The following ZNF704 variants were observed in gnomAD, a reference collection of about 807,000 sequenced individuals.
The protein encoded by ZNF704 is glucocorticoid induced gene 1.
ZNF704 carries 10 observed loss-of-function variants against 44.7 expected under a neutral mutation model. The observed-to-expected ratio is 0.22, with a 90% CI of 0.14 to 0.38. The LOEUF (loss-of-function observed/expected upper bound fraction) is 0.38. Ranked by LOEUF, ZNF704 falls within the 10% of genes least tolerant of loss-of-function variation. The pLI is 1.00. For synonymous variants in ZNF704, 211 were observed against 207.6 expected (o/e 1.02, Z -0.14); for missense variants, 390 against 545.5 (o/e 0.71, Z 2.84).
chr8:80,878,351 T>C (rs6994674), upstream of ZNF704, among the ~76,000 whole-genome samples: 51,542 of 151,842 alleles, frequency 0.34, 10,297 homozygotes, highest in Admixed American at 0.49. Context: ...CAGTGTTTTT[T>C]TAAAATTTAA....
intron 1 of ZNF704, among the ~76,000 whole-genome samples, chr8:80,836,426 A>G (rs1156916678): frequency 6.6e-6 from 1 of 152,092 alleles, no homozygotes; most frequent in African/African-American, 2.4e-5. Context: ...TCAATTTAAA[A>G]TTGCAATGTT....
chr8:80,856,569 GGTTT>G (rs550115156), intron 1 of ZNF704, among the ~76,000 whole-genome samples: 4 of 152,086 alleles, frequency 2.6e-5, no homozygotes, highest in South Asian at 2.1e-4. Flanking sequence ...GGTAATTGAG[GGTTT>G]GTTTGTTTTT....
At chr8:80,858,392 T>C (rs771804389) in intron 1 of ZNF704, among the ~76,000 whole-genome samples, 2 of 152,250 alleles carry the variant, frequency 1.3e-5, no homozygotes, top group Non-Finnish European at 2.9e-5. Context: ...TAAACTATTT[T>C]ACTAATCACT....
At chr8:80,654,732 C>T (rs1817983376) in intron 7 of ZNF704, among the ~76,000 whole-genome samples, 1 of 152,204 alleles carries the variant, frequency 6.6e-6, no homozygotes, top group Non-Finnish European at 1.5e-5. Flanking sequence ...AACACTTTTA[C>T]ACTGTTGGTG....
chr8:80,825,423 A>C (rs941115012), intron 1 of ZNF704, among the ~76,000 whole-genome samples: 119 of 152,250 alleles, frequency 7.8e-4, no homozygotes, highest in African/African-American at 2.8e-3. Flanking sequence ...CAGATTCATA[A>C]AGCAAGTCCT....
At position 80,725,542 on chromosome 8, in the gene ZNF704, G is replaced by T. The variant is rs116573946; in HGVS notation, c.222-32435C>A. Among the ~76,000 whole-genome samples the T allele has an allele frequency of 3.6e-3, 549 of 152,198 alleles. 4 individuals are homozygous for T. Among genetic ancestry groups the T allele is most frequent in the African/African-American group, 0.013 (529 of 41,526 alleles). On this transcript the variant is annotated intron_variant, in intron 2 of 8. Coordinates refer to ENST00000327835, the MANE Select transcript of ZNF704 (RefSeq NM_001033723.3). ...ATGCATTTGGAGTCTCAGATACATA[G>T]GGGATGGGGAAAAGAGGAAGTTATG... is the stretch of plus-strand genomic sequence containing the variant.
chr8:80,760,563 G>C (rs185688743), intron 2 of ZNF704, among the ~76,000 whole-genome samples: 219 of 151,160 alleles, frequency 1.4e-3, no homozygotes, highest in African/African-American at 5.0e-3. Flanking sequence ...GGCTGAGGCA[G>C]GAGAATTGCT....
chr8:80,789,045 A>G (rs1399561773), intron 2 of ZNF704, among the ~76,000 whole-genome samples: 4 of 152,228 alleles, frequency 2.6e-5, no homozygotes, highest in African/African-American at 9.6e-5. Context: ...GCAAAGTGTT[A>G]AAGAGTAAAA....
intron 4 of ZNF704, among the ~76,000 whole-genome samples, chr8:80,672,146 G>T (rs1163638360): frequency 6.6e-6 from 1 of 152,036 alleles, no homozygotes; most frequent in African/African-American, 2.4e-5. Flanking sequence ...CATACAAGTG[G>T]CCAAAAAAAT....
At chr8:80,800,049 C>T (rs766330362) in intron 2 of ZNF704, among the ~76,000 whole-genome samples, 1 of 151,986 alleles carries the variant, frequency 6.6e-6, no homozygotes, top group Non-Finnish European at 1.5e-5. Context: ...CAGAATAGAC[C>T]AAGCAGAGGA....
At chr8:80,701,229 C>T (rs1309435187) in intron 2 of ZNF704, among the ~76,000 whole-genome samples, 1 of 152,036 alleles carries the variant, frequency 6.6e-6, no homozygotes, top group Admixed American at 6.6e-5. Flanking sequence ...CGGGCCCATC[C>T]TCGGCACGCA....
chr8:80,682,732 G>GA (rs1289049041), intron 4 of ZNF704, among the ~76,000 whole-genome samples: 8 of 152,210 alleles, frequency 5.3e-5, no homozygotes. Flanking sequence ...GGCGGTGGGG[G>GA]AGGGGGGAGG....
Position 80,664,879 on chromosome 8 carries a change from A to G in ZNF704, c.863T>C (p.Met288Thr), listed in dbSNP as rs756256899. ...GGGAGCTGAGCGGCTCAACGGCGTC[A>G]TCAACTTAGTCTCCGTTTTGGCACA... is the stretch of plus-strand genomic sequence containing the variant. Reference protein sequence around the residue: ...TPCAKTETKLMTPLSRSAPTT... With the variant: ...TPCAKTETKLTTPLSRSAPTT... Residue 288 changes from methionine (M) to threonine (T), a missense_variant, in exon 6 of 9, where the codon ATG (methionine) becomes ACG (threonine). Physicochemically the swap from Met to Thr is moderately conservative, Grantham distance 81 (BLOSUM62 -1). Transcript: ENST00000327835. 1 of 1,614,186 alleles carries G rather than the reference A, an allele frequency of 6.2e-7. No individual in the cohort carries two copies. The highest frequency in any genetic ancestry group is 8.5e-7 in the Non-Finnish European group (1 of 1,180,034).
chr8:80,877,158 A>G (rs577694446), upstream of ZNF704, among the ~76,000 whole-genome samples: 6 of 132,728 alleles, frequency 4.5e-5, no homozygotes, highest in South Asian at 1.3e-3. Flanking sequence ...CTGGCCCCAC[A>G]TTGCTGGAAA....
chr8:80,693,156 T>A, intron 2 of ZNF704, 49 bp from the exon 3 acceptor site: 6 of 1,522,214 alleles, frequency 3.9e-6, no homozygotes, highest in Non-Finnish European at 5.5e-6. Context: ...GCATCTGCTG[T>A]GGGCCACACA....
At chr8:80,866,972 T>C (rs1809166643) in intron 1 of ZNF704, among the ~76,000 whole-genome samples, 1 of 152,034 alleles carries the variant, frequency 6.6e-6, no homozygotes, top group South Asian at 2.1e-4. Context: ...TTGCTTTTTC[T>C]CTTCTTTTCT....
intron 4 of ZNF704, among the ~76,000 whole-genome samples, chr8:80,670,804 G>A (rs1294295395): frequency 3.9e-5 from 6 of 152,150 alleles, no homozygotes; most frequent in Non-Finnish European, 7.3e-5. Flanking sequence ...TATCCTTCAA[G>A]AGAAATGGGC....
chr8:80,628,578 T>G lies in ZNF704; in HGVS notation c.*12788A>C, dbSNP rs1465805194. The G allele has an allele frequency of 6.6e-6, 1 of 152,214 alleles. No individual in the cohort carries two copies. Among genetic ancestry groups the G allele is most frequent in the East Asian group, 1.9e-4 (1 of 5,200 alleles). 9.4% of individuals were successfully genotyped at this position (152,214 alleles called of 1,614,324 possible). A position where few individuals can be genotyped will look rare whatever the true frequency, so the allele number is the denominator to read the frequency against. ...AGAAGTCAAAATGGTCTTTTGAAAG[T>G]CCAGTGTTCTGGCTCTGTTTGTGCC... On this transcript the variant is annotated 3_prime_UTR_variant, in exon 9 of 9. Coordinates refer to ENST00000327835, the MANE Select transcript of ZNF704 (RefSeq NM_001033723.3).
intron 3 of ZNF704, among the ~76,000 whole-genome samples, chr8:80,691,381 G>T (rs1313282121): frequency 1.3e-5 from 2 of 152,182 alleles, no homozygotes; most frequent in Non-Finnish European, 2.9e-5. Flanking sequence ...AGCCACCAGT[G>T]ACCACCTTCT....
Sources: gnomAD v4.1 joint callset for allele counts (sites outside exome capture counted in the v4.1 genomes callset) on GRCh38, gnomAD v4.1.1 for gene constraint, MANE v1.5 for transcripts, NCBI Gene and HGNC (gene_info 2026-07-23, HGNC 2026-07-21) for gene names.